STXBP5: variants seen among roughly 807,000 people sequenced by gnomAD.
STXBP5 encodes syntaxin binding protein 5.
STXBP5 carries 50 observed loss-of-function variants against 152.4 expected under a neutral mutation model. That is an observed-to-expected ratio of 0.33 (90% confidence interval 0.26 to 0.42). STXBP5 has a LOEUF of 0.42. STXBP5 is among the 10% of genes least tolerant of loss of function. The probability of loss-of-function intolerance (pLI) is 1.00; values close to 1 mark genes in which losing one functional copy is unlikely to be tolerated. For missense variants in STXBP5, 1,167 were observed against 1,388.6 expected (o/e 0.84, Z 2.54); for synonymous variants, 492 against 494.7 (o/e 0.99, Z 0.07).
intron 23 of STXBP5, among the ~76,000 whole-genome samples, chr6:147,359,958 C>T (rs932335865): frequency 1.3e-5 from 2 of 151,962 alleles, no homozygotes; most frequent in African/African-American, 2.4e-5. Context: ...AAGAAAAAAA[C>T]AAACAACCCC....
chr6:147,352,792 T>A (rs1416863641), intron 21 of STXBP5, among the ~76,000 whole-genome samples: 2 of 152,138 alleles, frequency 1.3e-5, no homozygotes, highest in African/African-American at 4.8e-5. Flanking sequence ...TAAGAAATAA[T>A]TAAAAGTTAG....
chr6:147,293,468 A>G (rs1781377251), intron 9 of STXBP5: 2 of 152,284 alleles, frequency 1.3e-5, no homozygotes, highest in African/African-American at 4.8e-5. Context: ...CACTCCAGCT[A>G]GAGCAGAATC....
At chr6:147,210,651 G>A (rs535007168) in intron 2 of STXBP5, among the ~76,000 whole-genome samples, 3 of 152,154 alleles carry the variant, frequency 2.0e-5, no homozygotes, top group African/African-American at 7.2e-5. Context: ...ACACTTCCAG[G>A]TGCCCCTGGT....
chr6:147,388,113 A>G lies in STXBP5; in HGVS notation c.*3358A>G, dbSNP rs1272377932. On this transcript the variant is annotated 3_prime_UTR_variant, in exon 28 of 28. Transcript: ENST00000321680. Reference sequence around the variant, plus strand: ...TTTTATTTGTTTCAGCAAAATAAAGAGCACTGAACTTTAAACTTGAATTTT... The same window carrying G: ...TTTTATTTGTTTCAGCAAAATAAAGGGCACTGAACTTTAAACTTGAATTTT... The G allele has an allele frequency of 1.3e-5, 2 of 151,836 alleles. No homozygotes were observed. The allele number at this position is 151,836 out of a possible 1,614,324, so 9.4% of individuals were successfully genotyped here.
chr6:147,266,910 A>G (rs1779922194), intron 6 of STXBP5, among the ~76,000 whole-genome samples, 174 bp from the exon 7 acceptor site: 1 of 152,184 alleles, frequency 6.6e-6, no homozygotes, highest in African/African-American at 2.4e-5. Flanking sequence ...AATATGCCAT[A>G]CAGTGTTCTC....
intron 4 of STXBP5, among the ~76,000 whole-genome samples, chr6:147,245,207 A>C (rs1157336628): frequency 6.6e-6 from 1 of 151,896 alleles, no homozygotes; most frequent in East Asian, 1.9e-4. Context: ...ATTCTTGGGT[A>C]CTGGGGGGTT....
At chr6:147,208,901 ATAAAT>A (rs1339672817) in intron 2 of STXBP5, among the ~76,000 whole-genome samples, 2 of 152,126 alleles carry the variant, frequency 1.3e-5, no homozygotes, top group African/African-American at 2.4e-5. Context: ...ATGAGGCAAA[ATAAAT>A]TAAATGTATT....
chr6:147,272,773 ATTAT>A (rs766480978), intron 7 of STXBP5, among the ~76,000 whole-genome samples: 37 of 152,294 alleles, frequency 2.4e-4, no homozygotes, highest in Non-Finnish European at 3.7e-4. Context: ...TACAGCTTTA[ATTAT>A]TTATTTAATC....
rs1247376295 is a variant in STXBP5 at position 147,204,594 on chromosome 6, CGCAGCAGCAACA to C, written c.72_83del (p.Gln24_Gln27del). ...CTGACCGCCGGCTCGTCCTCGGCGT[CGCAGCAGCAACA>C]GCAGCAGCATCCGCCTGGGAACCGG... On this transcript the variant is annotated inframe_deletion, in exon 1 of 28. Coordinates refer to ENST00000321680, the MANE Select transcript of STXBP5 (RefSeq NM_001127715.4). This position sits in a 1 kb window ranked among gnomAD's most constrained non-coding sequence, Gnocchi z 4.3. 2 of 1,610,096 alleles carry C rather than the reference CGCAGCAGCAACA, an allele frequency of 1.2e-6. No homozygotes were observed. Among genetic ancestry groups the C allele is most frequent in the Admixed American group, 3.3e-5 (2 of 59,750 alleles).
chr6:147,333,779 C>G (rs956342759), intron 18 of STXBP5, among the ~76,000 whole-genome samples: 2 of 152,194 alleles, frequency 1.3e-5, no homozygotes, highest in African/African-American at 4.8e-5. Flanking sequence ...CACCTGACTT[C>G]TGAGGCTTGG....
intron 21 of STXBP5, among the ~76,000 whole-genome samples, chr6:147,347,304 G>A (rs1582977868): frequency 6.6e-6 from 1 of 152,274 alleles, no homozygotes; most frequent in South Asian, 2.1e-4. Context: ...AAGGATGAAG[G>A]TGAACAGTTT....
intron 2 of STXBP5, among the ~76,000 whole-genome samples, chr6:147,215,949 T>C (rs1051876892): frequency 3.9e-5 from 6 of 152,178 alleles, no homozygotes; most frequent in African/African-American, 1.4e-4. Flanking sequence ...TAATATCATA[T>C]ACATATGTGT....
intron 25 of STXBP5, among the ~76,000 whole-genome samples, chr6:147,365,374 TATGTTAAGAAATA>T (rs1324737071): frequency 3.9e-5 from 6 of 152,224 alleles, no homozygotes; most frequent in Non-Finnish European, 1.5e-5. Context: ...AGCAAAATGT[TATGTTAAGAAATA>T]ATATTGACAA....
At chr6:147,213,320 C>T (rs2115041914) in intron 2 of STXBP5, among the ~76,000 whole-genome samples, 1 of 150,414 alleles carries the variant, frequency 6.6e-6, no homozygotes, top group East Asian at 2.0e-4. Flanking sequence ...GTGGCACAAT[C>T]ACAGCTCGCT....
chr6:147,260,544 A>C, intron 4 of STXBP5, 71 bp from the exon 5 acceptor site: 1 of 1,566,740 alleles, frequency 6.4e-7, no homozygotes, highest in Non-Finnish European at 8.8e-7. Flanking sequence ...TATCATAATC[A>C]ACCCTCTAAT....
chr6:147,241,388 C>G (rs562925239), intron 4 of STXBP5, among the ~76,000 whole-genome samples: 1 of 152,286 alleles, frequency 6.6e-6, no homozygotes, highest in South Asian at 2.1e-4. Flanking sequence ...TCTACCATTA[C>G]AGTATCATGT....
chr6:147,233,546 G>A (rs988121471), intron 2 of STXBP5, among the ~76,000 whole-genome samples: 2 of 151,530 alleles, frequency 1.3e-5, no homozygotes, highest in Non-Finnish European at 1.5e-5. Flanking sequence ...CATTGATTCC[G>A]ATCTGGTCTC....
intron 8 of STXBP5, among the ~76,000 whole-genome samples, chr6:147,290,659 T>C (rs1034587686): frequency 9.2e-5 from 14 of 152,174 alleles, no homozygotes; most frequent in Admixed American, 3.9e-4. Context: ...TTAAGGAGAA[T>C]AAATATAAAT....
chr6:147,229,451 G>C (rs1050469425), intron 2 of STXBP5, among the ~76,000 whole-genome samples: 1 of 151,502 alleles, frequency 6.6e-6, no homozygotes, highest in Admixed American at 6.6e-5. Flanking sequence ...GATTGTTTAG[G>C]TTCTTTATAT....
Sources: allele counts gnomAD v4.1 joint callset (sites outside exome capture counted in the v4.1 genomes callset), GRCh38; gene constraint gnomAD v4.1.1; non-coding constraint Gnocchi (gnomAD v3.1); transcripts MANE v1.5; gene names NCBI Gene and HGNC (gene_info 2026-07-23, HGNC 2026-07-21).